SATL1: variants seen among roughly 807,000 people sequenced by gnomAD.
The protein encoded by SATL1 is spermidine/spermine N(1)-acetyltransferase-like protein 1.
A neutral mutation model predicts 51.8 loss-of-function variants in SATL1; 47 were observed. That is an observed-to-expected ratio of 0.91 (90% CI 0.72 to 1.16). SATL1 has a LOEUF of 1.16. SATL1 is among the 50% of genes most tolerant of loss of function. The pLI is 0.00. For synonymous variants in SATL1, 176 were observed against 182.4 expected (o/e 0.97, Z 0.28); for missense variants, 520 against 526.4 (o/e 0.99, Z 0.12).
At chrX:85,142,318 C>A (rs1202671655) in intron 2 of SATL1, among the ~76,000 whole-genome samples, 1 of 104,626 alleles carries the variant, frequency 9.6e-6, no homozygotes, top group East Asian at 3.1e-4. Context: ...ATGGCGTGAA[C>A]CCGGGAGGAA....
chrX:85,132,297 A>T (rs777420615), intron 2 of SATL1, among the ~76,000 whole-genome samples: 22 of 111,842 alleles, frequency 2.0e-4, no homozygotes, highest in South Asian at 3.8e-4. Flanking sequence ...AATCAAATGT[A>T]GATTTGGTCT....
intron 2 of SATL1, among the ~76,000 whole-genome samples, chrX:85,109,711 A>C (rs1925214294): frequency 8.9e-6 from 1 of 112,101 alleles, no homozygotes; most frequent in South Asian, 3.7e-4. Flanking sequence ...TACGTCTTTA[A>C]AAATAATAAT....
chrX:85,208,984 C>T (rs1927849650), intron 2 of SATL1: 1 of 111,951 alleles, frequency 8.9e-6, no homozygotes, highest in Admixed American at 9.5e-5. Flanking sequence ...TGCCTATGTC[C>T]TGAATGGTAC....
intron 1 of SATL1, among the ~76,000 whole-genome samples, chrX:85,233,939 G>A (rs140090770): frequency 1.8e-5 from 2 of 111,067 alleles, no homozygotes; most frequent in Non-Finnish European, 3.8e-5. Context: ...ATTCAAGTAC[G>A]AGGAGGTTAT....
chrX:85,179,450 T>C (rs1602893334), intron 2 of SATL1, among the ~76,000 whole-genome samples: 1 of 111,961 alleles, frequency 8.9e-6, no homozygotes, highest in East Asian at 2.8e-4. Flanking sequence ...GATCAGCATC[T>C]GAGAAATCGT....
At chrX:85,099,545 T>A (rs1250944619) in intron 4 of SATL1, among the ~76,000 whole-genome samples, 2 of 111,690 alleles carry the variant, frequency 1.8e-5, no homozygotes, top group African/African-American at 6.5e-5. Flanking sequence ...AAGGGATTAT[T>A]CACCATAATC....
chrX:85,188,294 C>T lies in SATL1; in HGVS notation c.-313+35911G>A, dbSNP rs567770345. Among the ~76,000 whole-genome samples, 25 of 110,980 alleles carry T rather than the reference C, an allele frequency of 2.3e-4. No individual in the cohort carries two copies. In the South Asian group the frequency reaches 9.4e-3, roughly 42 times the overall value. On this transcript the variant is annotated intron_variant, in intron 2 of 7. Coordinates refer to ENST00000644105, the MANE Select transcript of SATL1 (RefSeq NM_001367857.2). ...CAAGCTAATATGGGGTTTAAGGGTCCTTTTAGATATGAATGAGTGAGGTGA... is the reference window on the plus strand; with the variant it reads ...CAAGCTAATATGGGGTTTAAGGGTCTTTTTAGATATGAATGAGTGAGGTGA...
At chrX:85,162,679 T>C (rs868285855) in intron 2 of SATL1, among the ~76,000 whole-genome samples, 6 of 111,827 alleles carry the variant, frequency 5.4e-5, no homozygotes, top group African/African-American at 1.9e-4. Context: ...TGTGGGTTTG[T>C]CATAAATGGC....
intron 2 of SATL1, among the ~76,000 whole-genome samples, chrX:85,145,659 T>C (rs1394171624): frequency 9.0e-6 from 1 of 111,483 alleles, no homozygotes; most frequent in Non-Finnish European, 1.9e-5. Context: ...AGCTTCAAAA[T>C]GTGGTAGACA....
intron 1 of SATL1, among the ~76,000 whole-genome samples, chrX:85,226,570 T>C (rs1328280747): frequency 3.6e-5 from 4 of 111,544 alleles, no homozygotes; most frequent in Non-Finnish European, 7.5e-5. Context: ...ACATGGAGCT[T>C]ATATTTTACT....
At chrX:85,138,721 C>T (rs1236539261) in intron 2 of SATL1, among the ~76,000 whole-genome samples, 1 of 111,436 alleles carries the variant, frequency 9.0e-6, no homozygotes, top group Non-Finnish European at 1.9e-5. Context: ...ATATTGGAAA[C>T]AGCATTTCTT....
At chrX:85,098,392 C>T (rs963353690) in intron 4 of SATL1, among the ~76,000 whole-genome samples, 2 of 111,597 alleles carry the variant, frequency 1.8e-5, no homozygotes, top group African/African-American at 6.5e-5. Flanking sequence ...CAGTACCCCA[C>T]TTTCAGTAAT....
chrX:85,185,279 C>T (rs756208858), intron 2 of SATL1, among the ~76,000 whole-genome samples: 1 of 112,831 alleles, frequency 8.9e-6, no homozygotes, highest in Non-Finnish European at 1.9e-5. Context: ...CAGGGTCAGA[C>T]CTGAAGCCAG....
intron 2 of SATL1, among the ~76,000 whole-genome samples, chrX:85,186,760 G>A (rs60032729): frequency 9.0e-6 from 1 of 111,660 alleles, no homozygotes; most frequent in East Asian, 2.9e-4. Context: ...ACCCTCTTTA[G>A]TGCCTCTTTC....
At chrX:85,098,231 A>G (rs1924789663) in intron 4 of SATL1, among the ~76,000 whole-genome samples, 1 of 112,073 alleles carries the variant, frequency 8.9e-6, no homozygotes, top group Non-Finnish European at 1.9e-5. Flanking sequence ...CTTACAAGAA[A>G]CAAAGTACAT....
intron 2 of SATL1, among the ~76,000 whole-genome samples, chrX:85,197,486 AT>A (rs1927592215): frequency 9.1e-6 from 1 of 109,962 alleles, no homozygotes; most frequent in African/African-American, 3.3e-5. Context: ...TTATTTATTT[AT>A]TTATTTATTT....
chrX:85,108,854 C>T lies in SATL1; in HGVS notation c.115G>A (p.Ala39Thr), dbSNP rs1345768519. 8.3e-7 allele frequency: 1 copy of T among 1,210,149 alleles called. No homozygotes were observed. The highest frequency in any genetic ancestry group is 1.1e-6 in the Non-Finnish European group (1 of 895,324). The change falls in exon 3 of 8, where the codon GCA (alanine) becomes ACA (threonine). Residue 39 changes from alanine (A) to threonine (T), a missense_variant. Physicochemically the swap from Ala to Thr is moderately conservative, Grantham distance 58. This residue lies in a region of SATL1 where 10 missense variants were observed against 28.3 expected (regional missense o/e 0.35). Transcript: ENST00000644105. ...MNQMDMNQGS[A>T]SLYEMNQVDM... ...ACTTGGTTCATTTCATATAGGCTTGCACTCCCTTGGTTCATGTCCATTTGG... is the reference window on the plus strand; with the variant it reads ...ACTTGGTTCATTTCATATAGGCTTGTACTCCCTTGGTTCATGTCCATTTGG...
chrX:85,109,062 G>T lies in SATL1; in HGVS notation c.-94C>A. The T allele has an allele frequency of 1.2e-6, 1 of 856,334 alleles. No homozygotes were observed. The highest frequency in any genetic ancestry group is 1.6e-6 in the Non-Finnish European group (1 of 606,229). The allele number at this position is 856,334 out of a possible 1,213,427, so 70.6% of individuals were successfully genotyped here. On this transcript the variant is annotated 5_prime_UTR_variant, in exon 3 of 8. In the 5' UTR this introduces an upstream ATG that the reference lacks. Coordinates refer to ENST00000644105, the MANE Select transcript of SATL1 (RefSeq NM_001367857.2). ...GGCTGATGGCTGTCTTGATGGAACA[G>T]AATCCCTTAACTGTGCTGTGGTGGG...
intron 2 of SATL1, among the ~76,000 whole-genome samples, chrX:85,223,382 C>T (rs1302596288): frequency 9.0e-6 from 1 of 111,093 alleles, no homozygotes; most frequent in African/African-American, 3.3e-5. Context: ...TTTTTTTTCT[C>T]ATATGACCTC....
Sources: allele counts gnomAD v4.1 joint callset (sites outside exome capture counted in the v4.1 genomes callset), GRCh38; gene constraint gnomAD v4.1.1; regional missense constraint gnomAD v4.1.1; transcripts MANE v1.5; gene names NCBI Gene and HGNC (gene_info 2026-07-23, HGNC 2026-07-21).